The following P2RX3 variants were observed in gnomAD, a reference collection of about 807,000 sequenced individuals.
The protein encoded by P2RX3 is P2X purinoceptor 3.
In P2RX3, 41 loss-of-function variants were observed where a neutral mutation model predicts 51.5. The observed-to-expected ratio is 0.80, with a 90% CI of 0.62 to 1.03. P2RX3 has a LOEUF of 1.03. Among genes scored for constraint, P2RX3 ranks in the 50% least tolerant of loss-of-function variants. P2RX3 has a pLI of 0.00. For synonymous variants in P2RX3, 185 were observed against 191.6 expected, an observed-to-expected ratio of 0.97 and a Z score of 0.29; for missense variants, 459 against 522.1, an observed-to-expected ratio of 0.88 and a Z score of 1.18.
At chr11:57,350,589 C>T in intron 7 of P2RX3, 173 bp from the exon 8 acceptor site, 1 of 835,860 alleles carries the variant, frequency 1.2e-6, no homozygotes, top group South Asian at 1.9e-5. Flanking sequence ...GCCACCACAG[C>T]ACTTCTTTAC....
At chr11:57,368,678 C>T (rs1163248348) in intron 10 of P2RX3, among the ~76,000 whole-genome samples, 1 of 152,202 alleles carries the variant, frequency 6.6e-6, no homozygotes, top group African/African-American at 2.4e-5. Context: ...TTTCAGGAGA[C>T]TCCACCTGTT....
chr11:57,370,685 C>A lies in P2RX3; in HGVS notation c.*688C>A, dbSNP rs1856872547. On this transcript the variant is annotated 3_prime_UTR_variant, in exon 12 of 12. Coordinates refer to ENST00000263314, the MANE Select transcript of P2RX3 (RefSeq NM_002559.5). ...ACCCCATCTCTGACTTGGGTGCATC[C>A]CAAATTTAGAAGGAAACAGAAGGCA... is the stretch of plus-strand genomic sequence containing the variant. 1 of 152,200 alleles carries A rather than the reference C, an allele frequency of 6.6e-6. No homozygotes were observed. Among genetic ancestry groups the A allele is most frequent in the South Asian group, 2.1e-4 (1 of 4,828 alleles). 9.4% of individuals were successfully genotyped at this position (152,200 alleles called of 1,614,324 possible).
At chr11:57,344,687 T>A (rs1856400938) in intron 1 of P2RX3, among the ~76,000 whole-genome samples, 1 of 152,096 alleles carries the variant, frequency 6.6e-6, no homozygotes, top group African/African-American at 2.4e-5. Flanking sequence ...TGACACTCTG[T>A]CTCAAATAAT....
At chr11:57,368,531 C>G in intron 10 of P2RX3, 94 bp downstream of exon 10, 1 of 1,395,698 alleles carries the variant, frequency 7.2e-7, no homozygotes, top group Non-Finnish European at 1.0e-6. Flanking sequence ...AAAACTCTGC[C>G]TCTGCCTGGA....
Position 57,347,474 on chromosome 11 carries a change from T to A in P2RX3, c.387T>A (p.Gly129=), listed in dbSNP as rs1183287585. The A allele has an allele frequency of 6.4e-7, 1 of 1,555,640 alleles. No individual in the cohort carries two copies. ...AGTGCGGGCCTGAGCGCTTGCCAGG[T>A]GGGGGTGAGTCCAGCCCCTTACCCA... is the stretch of plus-strand genomic sequence containing the variant. ...DSQCGPERLP[G]GGILTGRCVN... is the part of the protein sequence containing the mutation. Residue 129 remains glycine, a synonymous_variant, in exon 4 of 12, where the codon GGT becomes GGA. Transcript: ENST00000263314.
intron 10 of P2RX3, 123 bp downstream of exon 10, chr11:57,368,560 C>T: frequency 9.3e-7 from 1 of 1,075,064 alleles, no homozygotes; most frequent in Admixed American, 1.9e-5. Flanking sequence ...CCCCTACCCC[C>T]ACTTGCTAGG....
At chr11:57,355,689 T>C (rs1044666587) in intron 8 of P2RX3, among the ~76,000 whole-genome samples, 1 of 152,208 alleles carries the variant, frequency 6.6e-6, no homozygotes, top group African/African-American at 2.4e-5. Context: ...CTCAGAGTAA[T>C]AAATCCAACC....
chr11:57,342,659 C>T (rs1326219261), intron 1 of P2RX3, among the ~76,000 whole-genome samples: 2 of 152,080 alleles, frequency 1.3e-5, no homozygotes, highest in East Asian at 3.9e-4. Flanking sequence ...AGGAATACCT[C>T]CTCCCTGGGA....
intron 1 of P2RX3, among the ~76,000 whole-genome samples, chr11:57,344,000 T>G (rs1435079469): frequency 6.6e-6 from 1 of 152,034 alleles, no homozygotes. Flanking sequence ...TACTTCCTTG[T>G]GAAATCTGAA....
chr11:57,365,434 C>A (rs1436563632), intron 8 of P2RX3, among the ~76,000 whole-genome samples: 1 of 152,176 alleles, frequency 6.6e-6, no homozygotes, highest in Non-Finnish European at 1.5e-5. Flanking sequence ...TTTTCCCTGC[C>A]CTCTGATCTC....
intron 1 of P2RX3, 123 bp downstream of exon 1, chr11:57,338,792 T>C: frequency 1.5e-6 from 1 of 659,778 alleles, no homozygotes; most frequent in Non-Finnish European, 2.7e-6. Context: ...AAACAGTTTC[T>C]TCTGTGGAGC....
At chr11:57,357,550 A>C (rs1221437569) in intron 8 of P2RX3, among the ~76,000 whole-genome samples, 4 of 152,206 alleles carry the variant, frequency 2.6e-5, no homozygotes, top group African/African-American at 9.6e-5. Context: ...TCAGGAGCAG[A>C]GAGCGAGTAA....
At position 57,354,285 on chromosome 11, in the gene P2RX3, G is replaced by A. The variant is rs187000708; in HGVS notation, c.842+3387G>A. Among the ~76,000 whole-genome samples the A allele has an allele frequency of 1.0e-3, 156 of 152,200 alleles. 1 individual carries two copies. The highest frequency in any genetic ancestry group is 1.7e-3 in the South Asian group (8 of 4,818). ...GTTCTTCCCCTACCTGAAATTTAGTGGAGACATTTTATTTTTACTCCTTGG... is the reference window on the plus strand; with the variant it reads ...GTTCTTCCCCTACCTGAAATTTAGTAGAGACATTTTATTTTTACTCCTTGG... On this transcript the variant is annotated intron_variant, in intron 8 of 11. Coordinates refer to ENST00000263314, the MANE Select transcript of P2RX3 (RefSeq NM_002559.5).
intron 7 of P2RX3, 49 bp downstream of exon 7, chr11:57,349,947 C>T: frequency 6.2e-7 from 1 of 1,607,980 alleles, no homozygotes; most frequent in South Asian, 1.1e-5. Context: ...CACCTTCAGC[C>T]CTTTCCCAGA....
In P2RX3 at chr11:57,338,386, A is replaced by C; in HGVS notation, c.-165A>C. ...GAAGCCAGAGTATCAAGAGCAGAGA[A>C]TCTCACTAGGATTGCATGGCTTAAA... On this transcript the variant is annotated 5_prime_UTR_variant, in exon 1 of 12. Transcript: ENST00000263314. The C allele has an allele frequency of 4.1e-6, 2 of 492,688 alleles. No individual in the cohort carries two copies. The highest frequency in any genetic ancestry group is 6.0e-4 in the Middle Eastern group (1 of 1,664). The allele number at this position is 492,688 out of a possible 1,614,324, so 30.5% of individuals were successfully genotyped here. A position where few individuals can be genotyped will look rare whatever the true frequency, so the allele number is the denominator to read the frequency against.
At chr11:57,347,617 A>G in intron 4 of P2RX3, 139 bp downstream of exon 4, 9 of 939,248 alleles carry the variant, frequency 9.6e-6, no homozygotes, top group African/African-American at 1.6e-5. Context: ...CCTGGGTGCC[A>G]CACCCAGTGG....
intron 1 of P2RX3, among the ~76,000 whole-genome samples, chr11:57,342,788 G>A (rs564035755): frequency 2.3e-4 from 34 of 145,948 alleles, no homozygotes; most frequent in African/African-American, 8.5e-4. Context: ...CTTTCCCTCT[G>A]CCCAGCTCAC....
intron 1 of P2RX3, among the ~76,000 whole-genome samples, chr11:57,344,424 C>T (rs1297634544): frequency 2.0e-5 from 3 of 152,170 alleles, no homozygotes; most frequent in Non-Finnish European, 2.9e-5. Context: ...TAGGGCTGGG[C>T]ATGGTGGATC....
intron 8 of P2RX3, among the ~76,000 whole-genome samples, chr11:57,359,581 T>G (rs1407072534): frequency 6.6e-6 from 1 of 152,224 alleles, no homozygotes; most frequent in African/African-American, 2.4e-5. Context: ...CGGGCTCTGT[T>G]CTTTCCTCTG....
Sources: allele counts gnomAD v4.1 joint callset (sites outside exome capture counted in the v4.1 genomes callset), GRCh38; gene constraint gnomAD v4.1.1; transcripts MANE v1.5; gene names NCBI Gene and HGNC (gene_info 2026-07-23, HGNC 2026-07-21).